ID4: variants seen among roughly 807,000 people sequenced by gnomAD.
ID4 encodes the protein inhibitor of DNA binding 4.
In ID4, 9 loss-of-function variants were observed where a neutral mutation model predicts 8.6. The observed-to-expected ratio is 1.04, with a 90% confidence interval of 0.63 to 1.82. The LOEUF (loss-of-function observed/expected upper bound fraction) is 1.82, where lower values mean the gene tolerates loss of function less well. Ranked by LOEUF, ID4 falls within the 40% of genes most tolerant of loss-of-function variation. ID4 has a pLI of 0.00. For missense variants in ID4, 270 were observed against 235.1 expected (o/e 1.15, Z -0.97); for synonymous variants, 180 against 118.0 (o/e 1.53, Z -3.41).
chr6:19,840,987 C>G lies in ID4; in HGVS notation c.*1792C>G, dbSNP rs144274741. Among the ~76,000 whole-genome samples the G allele has an allele frequency of 3.2e-3, 489 of 151,954 alleles. 3 individuals carry two copies. Among genetic ancestry groups the G allele is most frequent in the Admixed American group, 8.3e-3 (126 of 15,254 alleles). ...ATACAAGAATAAAAGTATTATAGAC[C>G]CAAGGGACTTCTTATGAGGTCAAAT... is the stretch of plus-strand genomic sequence containing the variant. On this transcript the variant is annotated 3_prime_UTR_variant, in exon 3 of 3. Coordinates refer to ENST00000378700, the MANE Select transcript of ID4 (RefSeq NM_001546.4).
intron 1 of ID4, 76 bp from the exon 2 acceptor site, chr6:19,838,508 A>T: frequency 6.3e-7 from 1 of 1,586,612 alleles, no homozygotes; most frequent in African/African-American, 1.3e-5. Context: ...CTGATTTCCG[A>T]GGACAATCCA....
Position 19,838,007 on chromosome 6 carries a change from A to G in ID4, c.253A>G (p.Asn85Asp). Residue 85 changes from asparagine (N) to aspartate (D), a missense_variant, in exon 1 of 3, where the codon AAC (asparagine) becomes GAC (aspartate). Physicochemically the swap from Asn to Asp is conservative, Grantham distance 23. Transcript: ENST00000378700. ...LRRLVPTIPP[N>D]KKVSKVEILQ... ...GAGGCTGGTGCCCACCATCCCGCCC[A>G]ACAAGAAAGTCAGCAAAGTGGAGAT... The G allele has an allele frequency of 1.2e-6, 2 of 1,603,992 alleles. No individual in the cohort carries two copies. Among genetic ancestry groups the G allele is most frequent in the Non-Finnish European group, 1.7e-6 (2 of 1,175,106 alleles).
At chr6:19,838,396 G>C (rs1030933611) in intron 1 of ID4, among the ~76,000 whole-genome samples, 188 bp from the exon 2 acceptor site, 3 of 152,128 alleles carry the variant, frequency 2.0e-5, no homozygotes, top group African/African-American at 7.2e-5. Context: ...GAACGCGCAG[G>C]GCGGGACTCG....
Position 19,840,844 on chromosome 6 carries a change from G to C in ID4, c.*1649G>C, listed in dbSNP as rs1291080766. On this transcript the variant is annotated 3_prime_UTR_variant, in exon 3 of 3. Coordinates refer to ENST00000378700, the MANE Select transcript of ID4 (RefSeq NM_001546.4). ...TTATGGGTACTTTACACACAAGTTA[G>C]ATGGAATTTTTAGAGTGAAAGAATT... Among the ~76,000 whole-genome samples the C allele has an allele frequency of 1.3e-5, 2 of 152,158 alleles. No homozygotes were observed. The highest frequency in any genetic ancestry group is 2.9e-5 in the Non-Finnish European group (2 of 68,014).
chr6:19,838,231 C>CG, intron 1 of ID4, 36 bp downstream of exon 1: 1 of 1,324,622 alleles, frequency 7.5e-7, no homozygotes, highest in Non-Finnish European at 9.6e-7. Flanking sequence ...GCGGACGCCG[C>CG]GGGGGATGGG....
Position 19,841,168 on chromosome 6 carries a change from CTG to C in ID4, c.*1974_*1975del, listed in dbSNP as rs1761353336. 1.3e-5 allele frequency among the ~76,000 whole-genome samples: 2 copies of C among 152,158 alleles called. No individual in the cohort carries two copies. Among genetic ancestry groups the C allele is most frequent in the South Asian group, 4.1e-4 (2 of 4,828 alleles). On this transcript the variant is annotated 3_prime_UTR_variant, in exon 3 of 3. Transcript: ENST00000378700. ...TCCTCAGCATGTTATTTCCTCAGCT[CTG>C]ATAATTTACTGGTCTTGAGTATTTT...
In ID4 at chr6:19,839,464, T is replaced by G. The variant is rs1358709991; in HGVS notation, c.*269T>G. The G allele has an allele frequency of 6.6e-6, 1 of 152,654 alleles. No homozygotes were observed. Among genetic ancestry groups the G allele is most frequent in the African/African-American group, 2.4e-5 (1 of 41,456 alleles). 9.5% of individuals were successfully genotyped at this position (152,654 alleles called of 1,614,324 possible). A position where few individuals can be genotyped will look rare whatever the true frequency, so the allele number is the denominator to read the frequency against. On this transcript the variant is annotated 3_prime_UTR_variant, in exon 3 of 3. Coordinates refer to ENST00000378700, the MANE Select transcript of ID4 (RefSeq NM_001546.4). ...TGCTGTGAATTGTACATTTCTGTGT[T>G]TTTTGGAGGTGCAGTTAAACTTTTA...
In ID4 at chr6:19,840,567, G is replaced by T. The variant is rs1027318232; in HGVS notation, c.*1372G>T. On this transcript the variant is annotated 3_prime_UTR_variant, in exon 3 of 3. Transcript: ENST00000378700. ...CCAAAAATTCTGATGACCGCATCTAGATTATTTTTTTATAAAAATGATTTT... is the reference window on the plus strand; with the variant it reads ...CCAAAAATTCTGATGACCGCATCTATATTATTTTTTTATAAAAATGATTTT... 6.6e-6 allele frequency: 1 copy of T among 152,540 alleles called. No homozygotes were observed. The highest frequency in any genetic ancestry group is 1.5e-5 in the Non-Finnish European group (1 of 68,000). The allele number at this position is 152,540 out of a possible 1,614,324, so 9.4% of individuals were successfully genotyped here. A position where few individuals can be genotyped will look rare whatever the true frequency, so the allele number is the denominator to read the frequency against.
At position 19,841,123 on chromosome 6, in the gene ID4, A is replaced by G. The variant is rs1761352580; in HGVS notation, c.*1928A>G. 6.6e-6 allele frequency among the ~76,000 whole-genome samples: 1 copy of G among 152,218 alleles called. No homozygotes were observed. Among genetic ancestry groups the G allele is most frequent in the South Asian group, 2.1e-4 (1 of 4,832 alleles). The stretch of plus-strand genomic sequence containing the variant: ...TGCTAGCAGGTTAAAATCAATCAAA[A>G]TGTTTAAAAATTGATTCTGTCCTCA... On this transcript the variant is annotated 3_prime_UTR_variant, in exon 3 of 3. Transcript: ENST00000378700.
intron 2 of ID4, 166 bp downstream of exon 2, chr6:19,838,808 C>T: frequency 1.6e-6 from 1 of 609,568 alleles, no homozygotes; most frequent in Non-Finnish European, 2.9e-6. Flanking sequence ...CAAGTAAACC[C>T]GTACTTAGCC....
At position 19,839,746 on chromosome 6, in the gene ID4, TTC is replaced by T. The variant is rs1761318746; in HGVS notation, c.*553_*554del. ...TTCATACCATGTATATATAGAGATGTTCTATAAGTGTGAGAAAGTATATGCTT... is the reference window on the plus strand; with the variant it reads ...TTCATACCATGTATATATAGAGATGTTATAAGTGTGAGAAAGTATATGCTT... On this transcript the variant is annotated 3_prime_UTR_variant, in exon 3 of 3. Coordinates refer to ENST00000378700, the MANE Select transcript of ID4 (RefSeq NM_001546.4). 1 of 152,612 alleles carries T rather than the reference TTC, an allele frequency of 6.6e-6. No individual in the cohort carries two copies. Among genetic ancestry groups the T allele is most frequent in the African/African-American group, 2.4e-5 (1 of 41,468 alleles). 9.5% of individuals were successfully genotyped at this position (152,612 alleles called of 1,614,324 possible).
rs190770969 is a variant in ID4, at chr6:19,841,153, G to A, written c.*1958G>A. On this transcript the variant is annotated 3_prime_UTR_variant, in exon 3 of 3. Coordinates refer to ENST00000378700, the MANE Select transcript of ID4 (RefSeq NM_001546.4). ...TAAAAATTGATTCTGTCCTCAGCAT[G>A]TTATTTCCTCAGCTCTGATAATTTA... is the stretch of plus-strand genomic sequence containing the variant. 1.3e-4 allele frequency among the ~76,000 whole-genome samples: 20 copies of A among 152,254 alleles called. No homozygotes were observed. The highest frequency in any genetic ancestry group is 4.3e-4 in the African/African-American group (18 of 41,548).
chr6:19,837,757 GA>G lies in ID4; in HGVS notation c.5del (p.Lys2ArgfsTer3). 1 of 1,126,170 alleles carries G rather than the reference GA, an allele frequency of 8.9e-7. No homozygotes were observed. The highest frequency in any genetic ancestry group is 1.1e-6 in the Non-Finnish European group (1 of 920,728). 69.8% of individuals were successfully genotyped at this position (1,126,170 alleles called of 1,614,324 possible). A position where few individuals can be genotyped will look rare whatever the true frequency, so the allele number is the denominator to read the frequency against. On this transcript the variant is annotated frameshift_variant, in exon 1 of 3. Transcript: ENST00000378700. LOFTEE classifies it high-confidence loss of function. Reference sequence around the variant, plus strand: ...GCGTAGAGCGCAGGGCGCGCGCGATGAAGGCGGTGAGCCCGGTGCGCCCCTC... The same window carrying G: ...GCGTAGAGCGCAGGGCGCGCGCGATGAGGCGGTGAGCCCGGTGCGCCCCTC... The part of the protein sequence containing the change: M[K>X]AVSPVRPSGR...
chr6:19,838,767 TA>T, intron 2 of ID4, 125 bp downstream of exon 2: 1 of 750,480 alleles, frequency 1.3e-6, no homozygotes, highest in Non-Finnish European at 2.2e-6. Flanking sequence ...CCCAAGGAAG[TA>T]AATCCCCTCT....
Position 19,838,120 on chromosome 6 carries a change from G to T in ID4, c.366G>T (p.Ala122=). Residue 122 remains alanine, a synonymous_variant, in exon 1 of 3, where the codon GCG becomes GCT. Transcript: ENST00000378700. ...TGCTGAGGCAGCCACCACCGCCCGC[G>T]CCGCCACACCACCCGGCCGGGACCT... The part of the protein sequence containing the change: ...PALLRQPPPP[A]PPHHPAGTCP... 6.3e-7 allele frequency: 1 copy of T among 1,584,276 alleles called. No homozygotes were observed. Among genetic ancestry groups the T allele is most frequent in the Non-Finnish European group, 8.6e-7 (1 of 1,166,866 alleles).
Position 19,841,061 on chromosome 6 carries a change from G to A in ID4, c.*1866G>A, listed in dbSNP as rs1241476319. Among the ~76,000 whole-genome samples the A allele has an allele frequency of 1.3e-5, 2 of 152,174 alleles. No individual in the cohort carries two copies. Among genetic ancestry groups the A allele is most frequent in the Non-Finnish European group, 2.9e-5 (2 of 68,010 alleles). The stretch of plus-strand genomic sequence containing the variant: ...ATACCATGGTCCCTAGTAGTCAGTT[G>A]AAGTGGCAATGTCTAAACAGAAATG... On this transcript the variant is annotated 3_prime_UTR_variant, in exon 3 of 3. Transcript: ENST00000378700.
chr6:19,837,820 G>T lies in ID4; in HGVS notation c.66G>T (p.Glu22Asp). ...CGCCGTCGGGCTGCGGCGGCGGGGA[G>T]CTGGCGCTGCGCTGCCTGGCCGAGC... ...RKAPSGCGGG[E>D]LALRCLAEHG... Residue 22 changes from glutamate (E) to aspartate (D), a missense_variant, in exon 1 of 3, where the codon GAG becomes GAT. This residue lies in a region of ID4 where 160 missense variants were observed against 131.5 expected (regional missense o/e 1.22). Coordinates refer to ENST00000378700, the MANE Select transcript of ID4 (RefSeq NM_001546.4). 51 of 1,143,186 alleles carry T rather than the reference G, an allele frequency of 4.5e-5. No individual in the cohort carries two copies. The highest frequency in any genetic ancestry group is 5.5e-5 in the Non-Finnish European group (51 of 931,676). The allele number at this position is 1,143,186 out of a possible 1,614,324, so 70.8% of individuals were successfully genotyped here.
chr6:19,837,662 G>A lies in ID4; in HGVS notation c.-93G>A, dbSNP rs897961839. On this transcript the variant is annotated 5_prime_UTR_variant, in exon 1 of 3. Coordinates refer to ENST00000378700, the MANE Select transcript of ID4 (RefSeq NM_001546.4). Reference sequence around the variant, plus strand: ...GAGCGCGCCGGGCGCGGAGGCAAAGGGAGCGGAGCCGGCCGCGGACGGGGC... The same window carrying A: ...GAGCGCGCCGGGCGCGGAGGCAAAGAGAGCGGAGCCGGCCGCGGACGGGGC... The A allele has an allele frequency of 7.7e-6, 7 of 914,526 alleles. No homozygotes were observed. The highest frequency in any genetic ancestry group is 8.0e-6 in the Non-Finnish European group (6 of 748,318). 56.7% of individuals were successfully genotyped at this position (914,526 alleles called of 1,614,324 possible). A position where few individuals can be genotyped will look rare whatever the true frequency, so the allele number is the denominator to read the frequency against.
In ID4 at chr6:19,839,616, A is replaced by G. The variant is rs78171725; in HGVS notation, c.*421A>G. ...ACTAATCTACCAGAGCATTGTAGAT[A>G]TTTTTTTTTTACATCTATTGTTTAA... On this transcript the variant is annotated 3_prime_UTR_variant, in exon 3 of 3. Coordinates refer to ENST00000378700, the MANE Select transcript of ID4 (RefSeq NM_001546.4). 2.3e-3 allele frequency: 353 copies of G among 150,526 alleles called. 1 individual carries two copies. The highest frequency in any genetic ancestry group is 8.4e-3 in the African/African-American group (344 of 40,944). The allele number at this position is 150,526 out of a possible 1,614,324, so 9.3% of individuals were successfully genotyped here. A position where few individuals can be genotyped will look rare whatever the true frequency, so the allele number is the denominator to read the frequency against.
Sources: allele counts gnomAD v4.1 joint callset (sites outside exome capture counted in the v4.1 genomes callset), GRCh38; gene constraint gnomAD v4.1.1; regional missense constraint gnomAD v4.1.1; transcripts MANE v1.5; gene names NCBI Gene and HGNC (gene_info 2026-07-23, HGNC 2026-07-21).